Variants in RTKN observed in about 807,000 individuals in gnomAD.
RTKN encodes rhotekin.
Under a neutral mutation model 63.5 loss-of-function variants are expected in RTKN, and 49 were observed. The ratio of observed to expected loss-of-function variants is 0.77; its 90% CI spans 0.61 to 0.98. The LOEUF is 0.98. Among genes scored for constraint, RTKN ranks in the 50% least tolerant of loss-of-function variants. RTKN has a pLI of 0.00. For missense variants in RTKN, 685 were observed against 740.8 expected, an observed-to-expected ratio of 0.92 and a Z score of 0.87; for synonymous variants, 295 against 290.4, an observed-to-expected ratio of 1.02 and a Z score of -0.16.
At chr2:74,433,241 TCA>T (rs1670860694) in intron 1 of RTKN, among the ~76,000 whole-genome samples, 1 of 123,244 alleles carries the variant, frequency 8.1e-6, no homozygotes. Context: ...AGACTCTGGC[TCA>T]AAAAAAAAAA....
intron 1 of RTKN, among the ~76,000 whole-genome samples, chr2:74,433,251 A>AC (rs201098502): frequency 0.13 from 20,108 of 149,758 alleles, 1,758 homozygotes; most frequent in East Asian, 0.46. Flanking sequence ...TCAAAAAAAA[A>AC]AAAAACATAT....
intron 1 of RTKN, chr2:74,439,413 A>G (rs1671225421): frequency 3.3e-6 from 3 of 898,372 alleles, no homozygotes; most frequent in Non-Finnish European, 5.3e-6. Flanking sequence ...AACACAAGGC[A>G]TAGGGAACCA....
At position 74,441,905 on chromosome 2, in the gene RTKN, C is replaced by G. The variant is rs1436682005; in HGVS notation, c.-89G>C. On this transcript the variant is annotated 5_prime_UTR_variant, in exon 1 of 12. Coordinates refer to ENST00000272430, the MANE Select transcript of RTKN (RefSeq NM_001015055.2). ...TCCTCGGCTTCTGTCTCTCGACGCT[C>G]GTCCGCCAGTCCGGCCGGGAATCTC... is the stretch of plus-strand genomic sequence containing the variant. 2 of 763,826 alleles carry G rather than the reference C, an allele frequency of 2.6e-6. No homozygotes were observed. The highest frequency in any genetic ancestry group is 2.2e-6 in the Non-Finnish European group (1 of 462,556). The allele number at this position is 763,826 out of a possible 1,614,324, so 47.3% of individuals were successfully genotyped here.
In RTKN at chr2:74,441,856, C is replaced by G; in HGVS notation, c.-40G>C. On this transcript the variant is annotated 5_prime_UTR_variant, in exon 1 of 12. Coordinates refer to ENST00000272430, the MANE Select transcript of RTKN (RefSeq NM_001015055.2). ...GACTTTGCCTGCTCAGTGCGCTCCC[C>G]GCGCCGCCCGGCTTAGCCTCCTCTC... is the stretch of plus-strand genomic sequence containing the variant. The G allele has an allele frequency of 7.5e-7, 1 of 1,333,542 alleles. No individual in the cohort carries two copies. The highest frequency in any genetic ancestry group is 1.1e-6 in the Non-Finnish European group (1 of 943,544). The allele number at this position is 1,333,542 out of a possible 1,614,324, so 82.6% of individuals were successfully genotyped here. A position where few individuals can be genotyped will look rare whatever the true frequency, so the allele number is the denominator to read the frequency against.
rs766569649 is a variant in RTKN, at chr2:74,441,844, C to T, written c.-28G>A. ...TGGCGGCCCTGCGACTTTGCCTGCT[C>T]AGTGCGCTCCCCGCGCCGCCCGGCT... On this transcript the variant is annotated 5_prime_UTR_variant, in exon 1 of 12. Coordinates refer to ENST00000272430, the MANE Select transcript of RTKN (RefSeq NM_001015055.2). 1 of 1,449,568 alleles carries T rather than the reference C, an allele frequency of 6.9e-7. No homozygotes were observed. The highest frequency in any genetic ancestry group is 9.6e-7 in the Non-Finnish European group (1 of 1,043,028). 89.8% of individuals were successfully genotyped at this position (1,449,568 alleles called of 1,614,324 possible).
chr2:74,435,075 A>G (rs1056908318), intron 1 of RTKN, among the ~76,000 whole-genome samples: 1 of 152,148 alleles, frequency 6.6e-6, no homozygotes, highest in Non-Finnish European at 1.5e-5. Context: ...TAAGAGAATC[A>G]CCACCTACCG....
chr2:74,430,103 G>T, intron 5 of RTKN, 66 bp from the exon 6 acceptor site: 1 of 1,576,900 alleles, frequency 6.3e-7, no homozygotes, highest in Non-Finnish European at 8.7e-7. Context: ...AGGGGATGTG[G>T]GTGAGGCAAG....
rs576212037 is a variant in RTKN at position 74,430,814 on chromosome 2, G to T, written c.312-137C>A. 5 of 774,050 alleles carry T rather than the reference G, an allele frequency of 6.5e-6. No homozygotes were observed. In the African/African-American group the frequency reaches 8.8e-5, roughly 14 times the overall value. The allele number at this position is 774,050 out of a possible 1,614,324, so 47.9% of individuals were successfully genotyped here. ...CAGCCAGGCCGACAGGCAGGGCTGA[G>T]GGACTATAAGGGAAAGTTGTTCATT... On this transcript the variant is annotated intron_variant, in intron 2 of 11. Transcript: ENST00000272430.
rs568416552 is a variant in RTKN, at chr2:74,436,375, T to G, written c.112-3709A>C. 1.3e-5 allele frequency among the ~76,000 whole-genome samples: 2 copies of G among 152,002 alleles called. No homozygotes were observed. Among genetic ancestry groups the G allele is most frequent in the African/African-American group, 4.8e-5 (2 of 41,396 alleles). On this transcript the variant is annotated intron_variant, in intron 1 of 11. Transcript: ENST00000272430. This position sits in a 1 kb window ranked among gnomAD's most constrained non-coding sequence, Gnocchi z 4.3. ...GACGCCGGTGACATCAGCTCCCAATTGCCGCGAGAGCAACTGAGGGGTACC... is the reference window on the plus strand; with the variant it reads ...GACGCCGGTGACATCAGCTCCCAATGGCCGCGAGAGCAACTGAGGGGTACC...
intron 11 of RTKN, 144 bp from the exon 12 acceptor site, chr2:74,426,718 GC>G: frequency 1.4e-6 from 2 of 1,386,562 alleles, no homozygotes; most frequent in South Asian, 1.8e-5. Context: ...TGCAGGAGCA[GC>G]CCCTCACCTG....
chr2:74,441,592 C>A, intron 1 of RTKN, 114 bp downstream of exon 1: 1 of 731,428 alleles, frequency 1.4e-6, no homozygotes, highest in South Asian at 1.7e-5. Flanking sequence ...GGTTTGTACC[C>A]AGACCGTGCG....
chr2:74,434,213 G>C (rs1036047870), intron 1 of RTKN, among the ~76,000 whole-genome samples: 2 of 149,856 alleles, frequency 1.3e-5, no homozygotes, highest in Non-Finnish European at 3.0e-5. Context: ...AGTGATTCTT[G>C]TGCCTCAGCC....
intron 9 of RTKN, 179 bp from the exon 10 acceptor site, chr2:74,427,771 A>C (rs914674647): frequency 3.2e-6 from 2 of 619,792 alleles, no homozygotes; most frequent in Non-Finnish European, 5.6e-6. Flanking sequence ...TGAGACAGCC[A>C]GTCCTGAGTC....
intron 6 of RTKN, 101 bp from the exon 7 acceptor site, chr2:74,429,043 C>T: frequency 1.1e-6 from 1 of 934,502 alleles, no homozygotes. Flanking sequence ...GACTGCCCCA[C>T]AGAAAACTCG....
rs149374621 is a variant in RTKN at position 74,428,390 on chromosome 2, C to T, written c.964G>A (p.Gly322Arg). 6.2e-7 allele frequency: 1 copy of T among 1,614,172 alleles called. No homozygotes were observed. Among genetic ancestry groups the T allele is most frequent in the Non-Finnish European group, 8.5e-7 (1 of 1,180,018 alleles). The part of the protein sequence containing the change: ...ASGTLRVQQA[G>R]EMQNWAQVHG... The stretch of plus-strand genomic sequence containing the variant: ...ACTTGTGCCCAGTTCTGCATCTCCC[C>T]AGCTTGCTGCACAAATGACTCAACA... Residue 322 changes from glycine (G) to arginine (R), a missense_variant, in exon 9 of 12, where the codon GGG (glycine) becomes AGG (arginine). Gly to Arg is a moderately radical substitution (Grantham distance 125, BLOSUM62 -2). Transcript: ENST00000272430.
intron 1 of RTKN, chr2:74,439,937 CAG>C (rs1212804090): frequency 2.7e-5 from 32 of 1,191,002 alleles, no homozygotes; most frequent in Non-Finnish European, 3.0e-5. Flanking sequence ...GCTCTAGGCA[CAG>C]AGTGTCCAGT....
At chr2:74,430,397 AC>A in intron 4 of RTKN, 28 bp from the exon 5 acceptor site, 1 of 1,613,396 alleles carries the variant, frequency 6.2e-7, no homozygotes, top group East Asian at 2.2e-5. Flanking sequence ...AACAAAAAAC[AC>A]GTCCCACGAG....
chr2:74,441,877 C>T lies in RTKN; in HGVS notation c.-61G>A. The T allele has an allele frequency of 1.0e-6, 1 of 1,002,080 alleles. No homozygotes were observed. The highest frequency in any genetic ancestry group is 1.5e-6 in the Non-Finnish European group (1 of 654,910). 62.1% of individuals were successfully genotyped at this position (1,002,080 alleles called of 1,614,324 possible). ...TCCCCGCGCCGCCCGGCTTAGCCTC[C>T]TCTCCTCGGCTTCTGTCTCTCGACG... On this transcript the variant is annotated 5_prime_UTR_variant, in exon 1 of 12. Transcript: ENST00000272430.
chr2:74,433,788 C>T (rs375316905), intron 1 of RTKN, among the ~76,000 whole-genome samples: 29 of 152,114 alleles, frequency 1.9e-4, no homozygotes, highest in South Asian at 8.3e-4. Flanking sequence ...CCACCGCGCC[C>T]GGCCTCATTG....
Sources: gnomAD v4.1 joint callset for allele counts (sites outside exome capture counted in the v4.1 genomes callset) on GRCh38, gnomAD v4.1.1 for gene constraint, Gnocchi (gnomAD v3.1) non-coding constraint, MANE v1.5 for transcripts, NCBI Gene and HGNC (gene_info 2026-07-23, HGNC 2026-07-21) for gene names.